Variants in KCNIP4 observed in about 807,000 individuals in gnomAD.
The protein encoded by KCNIP4 is Kv channel-interacting protein 4.
KCNIP4 carries 12 observed loss-of-function variants against 34.0 expected under a neutral mutation model. That is an observed-to-expected ratio of 0.35 (90% CI 0.23 to 0.57). The LOEUF is 0.57. Among genes scored for constraint, KCNIP4 ranks in the 20% least tolerant of loss-of-function variants. KCNIP4 has a pLI of 0.83. For synonymous variants in KCNIP4, 124 were observed against 102.2 expected (o/e 1.21, Z -1.29); for missense variants, 238 against 311.7 (o/e 0.76, Z 1.78).
At chr4:20,930,838 TAA>T (rs34828281) in intron 1 of KCNIP4, among the ~76,000 whole-genome samples, 1 of 144,236 alleles carries the variant, frequency 6.9e-6, no homozygotes. Flanking sequence ...ATGGCTATTA[TAA>T]AAAAAAAAAA....
chr4:21,809,679 T>C (rs907179055), intron 1 of KCNIP4, among the ~76,000 whole-genome samples: 1 of 152,216 alleles, frequency 6.6e-6, no homozygotes, highest in African/African-American at 2.4e-5. Context: ...AGATTTACAG[T>C]GTCTACAGTT....
At chr4:21,650,332 G>A (rs746205798) in intron 1 of KCNIP4, among the ~76,000 whole-genome samples, 1 of 152,134 alleles carries the variant, frequency 6.6e-6, no homozygotes, top group Non-Finnish European at 1.5e-5. Flanking sequence ...TTGTTTTTAT[G>A]TTTTTGGTAG....
chr4:21,705,921 G>C (rs556818863), intron 1 of KCNIP4, among the ~76,000 whole-genome samples: 138 of 152,194 alleles, frequency 9.1e-4, no homozygotes, highest in African/African-American at 3.2e-3. Context: ...TTTTCTCTAG[G>C]GAAAGTAATT....
chr4:20,761,425 C>A (rs1204686174), intron 3 of KCNIP4, among the ~76,000 whole-genome samples: 1 of 152,328 alleles, frequency 6.6e-6, no homozygotes, highest in African/African-American at 2.4e-5. Flanking sequence ...GACTATCTAT[C>A]TAGCTGACAC....
At chr4:21,191,961 G>A (rs1755678752) in intron 1 of KCNIP4, among the ~76,000 whole-genome samples, 1 of 152,110 alleles carries the variant, frequency 6.6e-6, no homozygotes, top group African/African-American at 2.4e-5. Context: ...TATGCTTCCA[G>A]TAGAGATCTT....
intron 1 of KCNIP4, among the ~76,000 whole-genome samples, chr4:21,790,139 C>T (rs1005061976): frequency 2.6e-5 from 4 of 152,058 alleles, no homozygotes; most frequent in African/African-American, 4.8e-5. Context: ...ATACTGCTTG[C>T]GTGAGTATTA....
At chr4:21,020,900 T>A (rs908551565) in intron 1 of KCNIP4, among the ~76,000 whole-genome samples, 2 of 152,102 alleles carry the variant, frequency 1.3e-5, no homozygotes, top group Non-Finnish European at 2.9e-5. Context: ...TTTGAGTAGG[T>A]CAAGAATGAG....
chr4:21,825,034 G>C (rs1318119708), intron 1 of KCNIP4, among the ~76,000 whole-genome samples: 1 of 152,052 alleles, frequency 6.6e-6, no homozygotes, highest in African/African-American at 2.4e-5. Flanking sequence ...CACAAAAAAA[G>C]CAAATAGAAG....
intron 1 of KCNIP4, among the ~76,000 whole-genome samples, chr4:21,819,249 T>C (rs901554645): frequency 6.6e-6 from 1 of 152,242 alleles, no homozygotes; most frequent in Non-Finnish European, 1.5e-5. Context: ...CCCTCTCTGT[T>C]ACTGGCTGGC....
Position 20,773,577 on chromosome 4 carries a change from C to A in KCNIP4, c.289-14687G>T, listed in dbSNP as rs536319614. On this transcript the variant is annotated intron_variant, in intron 3 of 8. Transcript: ENST00000382152. ...GGACCAAACATTCTTAGGGTTGTAT[C>A]ATCATAATGAGGCACAAGGGGGCAG... 6.6e-5 allele frequency among the ~76,000 whole-genome samples: 10 copies of A among 152,228 alleles called. No homozygotes were observed. The South Asian group carries it at 1.4e-3, about 22-fold the overall frequency.
At chr4:21,001,324 A>G (rs1738118506) in intron 1 of KCNIP4, among the ~76,000 whole-genome samples, 1 of 152,212 alleles carries the variant, frequency 6.6e-6, no homozygotes, top group South Asian at 2.1e-4. Context: ...AAGAAACTGA[A>G]AATGTAATAA....
intron 1 of KCNIP4, among the ~76,000 whole-genome samples, chr4:21,907,708 T>G (rs1036658985): frequency 3.3e-5 from 5 of 152,108 alleles, no homozygotes; most frequent in Non-Finnish European, 7.4e-5. Flanking sequence ...CACCAACCCT[T>G]GACATAAGCA....
intron 1 of KCNIP4, among the ~76,000 whole-genome samples, chr4:21,071,458 T>C (rs1744913690): frequency 6.6e-6 from 1 of 152,156 alleles, no homozygotes; most frequent in African/African-American, 2.4e-5. Context: ...TCTGTCTTTC[T>C]GCCATACCAC....
chr4:21,853,808 T>C (rs1474187075), intron 1 of KCNIP4, among the ~76,000 whole-genome samples: 2 of 152,152 alleles, frequency 1.3e-5, no homozygotes, highest in African/African-American at 4.8e-5. Context: ...AGGTAAGAAC[T>C]AGCTGGGCTG....
intron 1 of KCNIP4, among the ~76,000 whole-genome samples, chr4:21,704,267 A>G (rs1341862524): frequency 6.6e-6 from 1 of 152,214 alleles, no homozygotes; most frequent in African/African-American, 2.4e-5. Context: ...AGGGCTACGC[A>G]GAGTCCTTAG....
intron 1 of KCNIP4, among the ~76,000 whole-genome samples, chr4:21,444,917 C>T (rs2109719720): frequency 6.6e-6 from 1 of 152,316 alleles, no homozygotes; most frequent in South Asian, 2.1e-4. Flanking sequence ...TGATAAGCAA[C>T]TTCAGCAGTC....
chr4:21,463,339 C>T (rs1729636305), intron 1 of KCNIP4, among the ~76,000 whole-genome samples: 1 of 151,902 alleles, frequency 6.6e-6, no homozygotes, highest in Non-Finnish European at 1.5e-5. Context: ...CTAGTCAGGT[C>T]TTTCGCCTAT....
intron 1 of KCNIP4, among the ~76,000 whole-genome samples, chr4:21,436,685 T>C (rs996198253): frequency 6.6e-6 from 1 of 152,206 alleles, no homozygotes; most frequent in Non-Finnish European, 1.5e-5. Flanking sequence ...TGTCCATTCC[T>C]GTAAAATAGA....
At chr4:21,504,240 G>C (rs187640012) in intron 1 of KCNIP4, among the ~76,000 whole-genome samples, 3 of 152,052 alleles carry the variant, frequency 2.0e-5, no homozygotes, top group Admixed American at 6.6e-5. Context: ...GGCCAAGGCG[G>C]GTGGATCACC....
Sources: gnomAD v4.1 joint callset for allele counts (sites outside exome capture counted in the v4.1 genomes callset) on GRCh38, gnomAD v4.1.1 for gene constraint, MANE v1.5 for transcripts, NCBI Gene and HGNC (gene_info 2026-07-23, HGNC 2026-07-21) for gene names.